Variants in GTF2E1 observed in about 807,000 individuals in gnomAD.
GTF2E1 encodes general transcription factor IIE subunit 1.
Under a neutral mutation model 34.9 loss-of-function variants are expected in GTF2E1, and 14 were observed. That is an observed-to-expected ratio of 0.40 (90% confidence interval 0.27 to 0.63). GTF2E1 has a LOEUF of 0.63. Among genes scored for constraint, GTF2E1 ranks in the 20% least tolerant of loss-of-function variants. The probability of loss-of-function intolerance (pLI) is 0.39; values close to 1 mark genes in which losing one functional copy is unlikely to be tolerated. For synonymous variants in GTF2E1, 188 were observed against 192.9 expected (o/e 0.97, Z 0.21); for missense variants, 469 against 557.7 (o/e 0.84, Z 1.60).
At chr3:120,774,069 G>A (rs1505700) in intron 3 of GTF2E1, among the ~76,000 whole-genome samples, 73,028 of 152,024 alleles carry the variant, frequency 0.48, 18,893 homozygotes, top group Non-Finnish European at 0.59. Context: ...ATAAAGAGAA[G>A]CAGTAACCTC....
Position 120,776,621 on chromosome 3 carries a change from A to G in GTF2E1, c.849A>G (p.Glu283=), listed in dbSNP as rs943697787. The change falls in exon 4 of 5, where the codon GAA becomes GAG. Residue 283 remains glutamate (E), a synonymous_variant. Transcript: ENST00000283875. ...AAGAGAGGCCTATTTGGTTGAGAGA[A>G]AGCACTGTCCAAGGGGCATATGGTT... ...SAKERPIWLR[E]STVQGAYGSE... is the part of the protein sequence containing the mutation. 2 of 1,613,838 alleles carry G rather than the reference A, an allele frequency of 1.2e-6. No homozygotes were observed. Among genetic ancestry groups the G allele is most frequent in the Non-Finnish European group, 1.7e-6 (2 of 1,179,800 alleles).
At chr3:120,762,829 A>G (rs115030880) in intron 2 of GTF2E1, among the ~76,000 whole-genome samples, 60 of 152,250 alleles carry the variant, frequency 3.9e-4, no homozygotes, top group Middle Eastern at 3.4e-3. Flanking sequence ...TATACCATAT[A>G]TGGCTTCTCT....
chr3:120,781,719 T>TC lies in GTF2E1; in HGVS notation c.*249_*250insC, dbSNP rs1232766578. ...TATTTTACTGTATTTTCTTTTCTTT[T>TC]TTTTTTTTTTTTGGAGATGAAGTCT... On this transcript the variant is annotated 3_prime_UTR_variant, in exon 5 of 5. Transcript: ENST00000283875. 6.3e-6 allele frequency: 2 copies of TC among 318,954 alleles called. No homozygotes were observed. The highest frequency in any genetic ancestry group is 2.2e-5 in the African/African-American group (1 of 46,276). 19.8% of individuals were successfully genotyped at this position (318,954 alleles called of 1,614,324 possible).
At chr3:120,752,970 T>C (rs1354704975) in intron 2 of GTF2E1, among the ~76,000 whole-genome samples, 2 of 152,182 alleles carry the variant, frequency 1.3e-5, no homozygotes, top group Non-Finnish European at 2.9e-5. Flanking sequence ...ATTAAAAATT[T>C]ATAATCATTA....
In GTF2E1 at chr3:120,750,892, A is replaced by G; in HGVS notation, c.340A>G (p.Ile114Val). The part of the protein sequence containing the change: ...KYKLDHMRRR[I>V]ETDERDSTNR... ...TAAACTGGACCACATGAGAAGAAGA[A>G]TTGAGACCGATGAGAGAGATTCGAC... The change falls in exon 2 of 5, where the codon ATT (isoleucine) becomes GTT (valine). Residue 114 changes from isoleucine to valine, a missense_variant. Transcript: ENST00000283875. 3 of 1,613,968 alleles carry G rather than the reference A, an allele frequency of 1.9e-6. No homozygotes were observed. The highest frequency in any genetic ancestry group is 2.5e-6 in the Non-Finnish European group (3 of 1,179,848).
At chr3:120,765,868 T>C (rs1056011003) in intron 2 of GTF2E1, among the ~76,000 whole-genome samples, 2 of 152,204 alleles carry the variant, frequency 1.3e-5, no homozygotes, top group Non-Finnish European at 2.9e-5. Context: ...TAAAGAATCT[T>C]TGTAGCCTTC....
chr3:120,743,510 A>G (rs193198708), intron 1 of GTF2E1, among the ~76,000 whole-genome samples: 3 of 152,348 alleles, frequency 2.0e-5, no homozygotes, highest in Non-Finnish European at 2.9e-5. Context: ...TTGTCTGGCT[A>G]TGCTAGATGC....
At chr3:120,780,933 G>A (rs1709441111) in intron 4 of GTF2E1, 110 bp from the exon 5 acceptor site, 1 of 722,328 alleles carries the variant, frequency 1.4e-6, no homozygotes, top group African/African-American at 1.8e-5. Context: ...AACCAGTGAA[G>A]TCTGTTATTT....
chr3:120,761,340 A>G (rs902758610), intron 2 of GTF2E1, among the ~76,000 whole-genome samples: 13 of 151,882 alleles, frequency 8.6e-5, no homozygotes, highest in East Asian at 1.9e-4. Context: ...CTAGCAGTCT[A>G]TCTATTTTGT....
At chr3:120,762,279 C>T (rs1709271199) in intron 2 of GTF2E1, among the ~76,000 whole-genome samples, 1 of 152,124 alleles carries the variant, frequency 6.6e-6, no homozygotes, top group Non-Finnish European at 1.5e-5. Flanking sequence ...TGTTAACCTT[C>T]TGTCTCGTTG....
chr3:120,777,594 G>A (rs1441779092), intron 4 of GTF2E1, among the ~76,000 whole-genome samples: 2 of 152,136 alleles, frequency 1.3e-5, no homozygotes. Context: ...AATTGTGAAG[G>A]TAACGTGGAG....
intron 1 of GTF2E1, among the ~76,000 whole-genome samples, chr3:120,743,903 T>G (rs1379265295): frequency 6.6e-6 from 1 of 152,148 alleles, no homozygotes; most frequent in Non-Finnish European, 1.5e-5. Flanking sequence ...AGTCCTTAAA[T>G]GTTGATATGA....
intron 1 of GTF2E1, among the ~76,000 whole-genome samples, chr3:120,747,948 G>T (rs1412568304): frequency 2.6e-5 from 4 of 152,174 alleles, no homozygotes; most frequent in African/African-American, 9.6e-5. Flanking sequence ...CATTCTAACT[G>T]GTGTGAGATG....
intron 2 of GTF2E1, among the ~76,000 whole-genome samples, chr3:120,755,474 A>C (rs1709200340): frequency 6.6e-6 from 1 of 152,148 alleles, no homozygotes; most frequent in Non-Finnish European, 1.5e-5. Context: ...TATCTTTAAA[A>C]ATTTTTTTAA....
rs1709444504 is a variant in GTF2E1 at position 120,781,249 on chromosome 3, C to A, written c.1099C>A (p.Pro367Thr). 6.2e-7 allele frequency: 1 copy of A among 1,614,002 alleles called. No homozygotes were observed. The highest frequency in any genetic ancestry group is 8.5e-7 in the Non-Finnish European group (1 of 1,179,988). Residue 367 changes from proline to threonine, a missense_variant, in exon 5 of 5, where the codon CCC (proline) becomes ACC (threonine). Pro to Thr is a conservative substitution (Grantham distance 38). Coordinates refer to ENST00000283875, the MANE Select transcript of GTF2E1 (RefSeq NM_005513.3). ...CAGTGAGTCAGATGATGATTCTCCACCCCGTCCGGCAGCTGTGGCTGTGCA... is the reference window on the plus strand; with the variant it reads ...CAGTGAGTCAGATGATGATTCTCCAACCCGTCCGGCAGCTGTGGCTGTGCA... ...ETSESDDDSP[P>T]RPAAVAVHKR...
intron 2 of GTF2E1, among the ~76,000 whole-genome samples, chr3:120,763,355 A>G (rs766254785): frequency 1.8e-4 from 27 of 152,204 alleles, no homozygotes; most frequent in Non-Finnish European, 1.8e-4. Flanking sequence ...CCAAATCCAG[A>G]TAAGTTCACA....
intron 2 of GTF2E1, among the ~76,000 whole-genome samples, chr3:120,765,518 G>T (rs1037200343): frequency 5.9e-5 from 9 of 152,276 alleles, no homozygotes; most frequent in African/African-American, 1.9e-4. Flanking sequence ...TTGCTAAATT[G>T]TAGCTGGCAG....
Position 120,776,407 on chromosome 3 carries a change from TA to T in GTF2E1, c.651-15del, listed in dbSNP as rs1321654203. 6.2e-7 allele frequency: 1 copy of T among 1,606,096 alleles called. No individual in the cohort carries two copies. Among genetic ancestry groups the T allele is most frequent in the East Asian group, 2.2e-5 (1 of 44,842 alleles). ...AATTTTTCTTCTTCCTGTACTCCTC[TA>T]TTCTTTTTATATAGCAAGGACCATG... On this transcript the variant is annotated splice_polypyrimidine_tract_variant and intron_variant, in intron 3 of 4. Coordinates refer to ENST00000283875, the MANE Select transcript of GTF2E1 (RefSeq NM_005513.3).
intron 2 of GTF2E1, among the ~76,000 whole-genome samples, chr3:120,754,956 A>T (rs1483817572): frequency 6.6e-6 from 1 of 152,110 alleles, no homozygotes. Context: ...ATAACGAATA[A>T]ATCTAGGGGT....
Sources: gnomAD v4.1 joint callset for allele counts (sites outside exome capture counted in the v4.1 genomes callset) on GRCh38, gnomAD v4.1.1 for gene constraint, MANE v1.5 for transcripts, NCBI Gene and HGNC (gene_info 2026-07-23, HGNC 2026-07-21) for gene names.